DIP2B: variants seen among roughly 807,000 people sequenced by gnomAD.
DIP2B encodes disco-interacting protein 2 homolog B.
In DIP2B, 76 loss-of-function variants were observed where a neutral mutation model predicts 198.0. The ratio of observed to expected loss-of-function variants is 0.38; its 90% CI spans 0.32 to 0.46. The LOEUF is 0.46. DIP2B is among the 20% of genes least tolerant of loss of function. DIP2B has a pLI of 0.99. For missense variants in DIP2B, 1,559 were observed against 1,978.4 expected, an observed-to-expected ratio of 0.79 and a Z score of 4.02; for synonymous variants, 701 against 739.1, an observed-to-expected ratio of 0.95 and a Z score of 0.84.
chr12:50,646,017 T>C (rs928436040), intron 3 of DIP2B, among the ~76,000 whole-genome samples: 6 of 152,150 alleles, frequency 3.9e-5, no homozygotes, highest in African/African-American at 1.4e-4. Context: ...TTTTGCAATG[T>C]GTATTTTTTC....
chr12:50,561,034 A>C (rs977739760), intron 1 of DIP2B, among the ~76,000 whole-genome samples: 14 of 152,218 alleles, frequency 9.2e-5, no homozygotes, highest in African/African-American at 3.4e-4. Flanking sequence ...CCTATATAAG[A>C]GTGCATTCCT....
At chr12:50,722,249 G>A (rs1939851127) in intron 26 of DIP2B, among the ~76,000 whole-genome samples, 1 of 131,702 alleles carries the variant, frequency 7.6e-6, no homozygotes, top group African/African-American at 2.9e-5. Flanking sequence ...TTGTTTGTTT[G>A]TTTGTTTATT....
chr12:50,730,648 A>G (rs1044673802), intron 30 of DIP2B, among the ~76,000 whole-genome samples: 4 of 152,112 alleles, frequency 2.6e-5, no homozygotes, highest in African/African-American at 4.8e-5. Flanking sequence ...TGGCCTCCCA[A>G]AGTACTGGGA....
intron 20 of DIP2B, among the ~76,000 whole-genome samples, chr12:50,705,327 C>T (rs1396623601): frequency 6.6e-6 from 1 of 152,156 alleles, no homozygotes. Flanking sequence ...GGAGAATCAA[C>T]TCTCTACACC....
In DIP2B at chr12:50,747,533, C is replaced by G. The variant is rs1024740849; in HGVS notation, c.*2694C>G. ...TAGATGGTGTTTGTGGGATCACCTG[C>G]AGATTTAAAGCCTACTCTGCCACAG... On this transcript the variant is annotated 3_prime_UTR_variant, in exon 38 of 38. Transcript: ENST00000301180. 6.6e-6 allele frequency: 1 copy of G among 152,194 alleles called. No individual in the cohort carries two copies. The highest frequency in any genetic ancestry group is 1.5e-5 in the Non-Finnish European group (1 of 68,050). The allele number at this position is 152,194 out of a possible 1,614,324, so 9.4% of individuals were successfully genotyped here.
intron 1 of DIP2B, among the ~76,000 whole-genome samples, chr12:50,527,857 T>A (rs1424411906): frequency 6.6e-6 from 1 of 152,200 alleles, no homozygotes; most frequent in Middle Eastern, 3.2e-3. Flanking sequence ...ATCCTGAATT[T>A]GATTTATCTT....
At chr12:50,534,994 T>G in intron 1 of DIP2B, among the ~76,000 whole-genome samples, 1 of 151,916 alleles carries the variant, frequency 6.6e-6, no homozygotes, top group East Asian at 1.9e-4. Flanking sequence ...TTTGGGAGGC[T>G]GAGGTGGGTG....
rs1192341833 is a variant in DIP2B at position 50,706,182 on chromosome 12, C to T, written c.2407-356C>T. The stretch of plus-strand genomic sequence containing the variant: ...AGTAAATGAATACATTTTTCTTCCT[C>T]TGTATCCTCTGAATAGAAACATAAG... On this transcript the variant is annotated intron_variant, in intron 20 of 37. Coordinates refer to ENST00000301180, the MANE Select transcript of DIP2B (RefSeq NM_173602.3). 2.0e-5 allele frequency among the ~76,000 whole-genome samples: 3 copies of T among 152,208 alleles called. No individual in the cohort carries two copies. In the East Asian group the frequency reaches 5.8e-4, roughly 29 times the overall value.
chr12:50,673,965 C>G (rs1203101361), intron 5 of DIP2B, among the ~76,000 whole-genome samples: 1 of 152,014 alleles, frequency 6.6e-6, no homozygotes, highest in African/African-American at 2.4e-5. Context: ...TGGACTTTAT[C>G]TAGTGTTTTT....
intron 34 of DIP2B, 68 bp from the exon 35 acceptor site, chr12:50,736,968 C>T (rs1565886726): frequency 2.0e-6 from 3 of 1,497,176 alleles, no homozygotes; most frequent in Non-Finnish European, 2.8e-6. Context: ...AGGTAACTAA[C>T]CGTGCGTTTC....
chr12:50,535,650 T>A (rs1958257710), intron 1 of DIP2B, among the ~76,000 whole-genome samples: 1 of 151,996 alleles, frequency 6.6e-6, no homozygotes, highest in African/African-American at 2.4e-5. Context: ...GGATTACAGA[T>A]GTGAACCACC....
At chr12:50,653,819 G>T (rs1156402779) in intron 3 of DIP2B, among the ~76,000 whole-genome samples, 1 of 151,364 alleles carries the variant, frequency 6.6e-6, no homozygotes, top group Non-Finnish European at 1.5e-5. Context: ...CCATTTCTCT[G>T]TTCTCTGTTT....
chr12:50,536,291 A>ACATACATG (rs1445697195), intron 1 of DIP2B, among the ~76,000 whole-genome samples: 4 of 151,786 alleles, frequency 2.6e-5, no homozygotes, highest in Non-Finnish European at 4.4e-5. Context: ...ATACATACAT[A>ACATACATG]CATACATACA....
In DIP2B at chr12:50,623,427, A is replaced by T. The variant is rs146831441; in HGVS notation, c.101-2549A>T. Reference sequence around the variant, plus strand: ...CACACACACACACACACACACACACACACACACACACTCTCTCTCTCTCTC... The same window carrying T: ...CACACACACACACACACACACACACTCACACACACACTCTCTCTCTCTCTC... On this transcript the variant is annotated intron_variant, in intron 1 of 37. Transcript: ENST00000301180. Among the ~76,000 whole-genome samples, 423 of 48,968 alleles carry T rather than the reference A, an allele frequency of 8.6e-3. 13 individuals carry two copies. The East Asian group carries it at 0.1, about 12-fold the overall frequency. 32.1% of individuals were successfully genotyped at this position (48,968 alleles called of 152,430 possible).
At chr12:50,621,891 G>A (rs564563412) in intron 1 of DIP2B, among the ~76,000 whole-genome samples, 3 of 152,304 alleles carry the variant, frequency 2.0e-5, no homozygotes, top group African/African-American at 7.2e-5. Flanking sequence ...GGAGCTAATT[G>A]GCATGGCTGA....
At chr12:50,609,110 C>G (rs12230242) in intron 1 of DIP2B, among the ~76,000 whole-genome samples, 42,202 of 151,824 alleles carry the variant, frequency 0.28, 6,144 homozygotes, top group East Asian at 0.39. Flanking sequence ...TCTAGCCTGT[C>G]TGACAGAGCA....
chr12:50,721,167 T>A (rs1379102341), intron 25 of DIP2B, 106 bp from the exon 26 acceptor site: 5 of 1,466,286 alleles, frequency 3.4e-6, no homozygotes, highest in Middle Eastern at 1.8e-4. Context: ...CTAAGGATAA[T>A]CTACAAAAGC....
chr12:50,642,139 T>C (rs1430335540), intron 3 of DIP2B, among the ~76,000 whole-genome samples: 1 of 149,508 alleles, frequency 6.7e-6, no homozygotes, highest in South Asian at 2.1e-4. Flanking sequence ...AAAAAAAAAA[T>C]AGAGGTTGTA....
At chr12:50,553,991 T>C (rs1252586760) in intron 1 of DIP2B, among the ~76,000 whole-genome samples, 2 of 152,182 alleles carry the variant, frequency 1.3e-5, no homozygotes, top group Non-Finnish European at 1.5e-5. Flanking sequence ...TGAAATTTTA[T>C]TTAATAGAAT....
Sources: gnomAD v4.1 joint callset for allele counts (sites outside exome capture counted in the v4.1 genomes callset) on GRCh38, gnomAD v4.1.1 for gene constraint, MANE v1.5 for transcripts, NCBI Gene and HGNC (gene_info 2026-07-23, HGNC 2026-07-21) for gene names.